PEAK1: variants seen among roughly 807,000 people sequenced by gnomAD.
PEAK1 encodes inactive tyrosine-protein kinase PEAK1.
A neutral mutation model predicts 124.7 loss-of-function variants in PEAK1; 54 were observed. The ratio of observed to expected loss-of-function variants is 0.43; its 90% CI spans 0.35 to 0.54. The LOEUF is 0.54. Ranked by LOEUF, PEAK1 falls within the 20% of genes least tolerant of loss-of-function variation. PEAK1 has a pLI of 0.01. For missense variants in PEAK1, 2,046 were observed against 2,134.5 expected, an observed-to-expected ratio of 0.96 and a Z score of 0.82; for synonymous variants, 719 against 760.0, an observed-to-expected ratio of 0.95 and a Z score of 0.89.
intron 9 of PEAK1, 132 bp from the exon 10 acceptor site, chr15:77,115,451 C>A: frequency 2.5e-6 from 2 of 800,098 alleles, no homozygotes; most frequent in African/African-American, 1.7e-5. Context: ...AAGGCTTGCC[C>A]CATGTTAAGT....
chr15:77,118,036 G>T (rs2051553570), intron 9 of PEAK1, among the ~76,000 whole-genome samples: 2 of 152,174 alleles, frequency 1.3e-5, no homozygotes, highest in South Asian at 2.1e-4. Flanking sequence ...ATGATAAATT[G>T]TTTCACGATT....
At chr15:77,419,516 C>T in intron 1 of PEAK1, 2 of 985,254 alleles carry the variant, frequency 2.0e-6, no homozygotes, top group Non-Finnish European at 2.4e-6. Context: ...TCCGTCCCGA[C>T]GCTGCCGGCG....
intron 1 of PEAK1, among the ~76,000 whole-genome samples, chr15:77,390,001 T>A (rs185304270): frequency 4.6e-5 from 7 of 152,242 alleles, no homozygotes; most frequent in African/African-American, 1.7e-4. Context: ...ACGTACTATG[T>A]TAAGTGTTTT....
At chr15:77,365,731 C>G (rs1044448132) in intron 1 of PEAK1, among the ~76,000 whole-genome samples, 5 of 128,662 alleles carry the variant, frequency 3.9e-5, no homozygotes, top group African/African-American at 1.5e-4. Flanking sequence ...TAGAGCAAGA[C>G]TCCATCTCAT....
intron 6 of PEAK1, among the ~76,000 whole-genome samples, chr15:77,225,251 T>A (rs923444382): frequency 6.6e-6 from 1 of 152,014 alleles, no homozygotes; most frequent in Non-Finnish European, 1.5e-5. Context: ...TCACACTACA[T>A]TATTCCTGTT....
intron 2 of PEAK1, among the ~76,000 whole-genome samples, chr15:77,305,172 A>C (rs1456893109): frequency 2.5e-5 from 2 of 79,182 alleles, no homozygotes; most frequent in Non-Finnish European, 3.0e-5. Flanking sequence ...GGAGGGAAGA[A>C]GGAAGGAAGG....
chr15:77,305,451 A>G (rs1414212290), intron 2 of PEAK1, among the ~76,000 whole-genome samples: 1 of 152,166 alleles, frequency 6.6e-6, no homozygotes, highest in Non-Finnish European at 1.5e-5. Context: ...AATTGGCCAG[A>G]GGCGAAGGTC....
chr15:77,386,972 T>TAA (rs145451079), intron 1 of PEAK1, among the ~76,000 whole-genome samples: 3 of 150,158 alleles, frequency 2.0e-5, no homozygotes, highest in Non-Finnish European at 4.4e-5. Flanking sequence ...GTATCCATAG[T>TAA]AAAAAAAAAA....
intron 6 of PEAK1, among the ~76,000 whole-genome samples, chr15:77,237,413 T>C (rs1454644089): frequency 6.6e-6 from 1 of 150,392 alleles, no homozygotes; most frequent in Non-Finnish European, 1.5e-5. Flanking sequence ...TACTTTATTT[T>C]ATTCCTGCTA....
In PEAK1 at chr15:77,318,385, G is replaced by A. The variant is rs375960572; in HGVS notation, c.-602-31881C>T. Among the ~76,000 whole-genome samples, 25 of 152,222 alleles carry A rather than the reference G, an allele frequency of 1.6e-4. No individual in the cohort carries two copies. In the East Asian group the frequency reaches 1.9e-3, roughly 12 times the overall value. ...TAAAAGTTTTCAAATGGGCAAAAAG[G>A]ATAAATGACACAAAAACCTCATAAT... On this transcript the variant is annotated intron_variant, in intron 2 of 9. Coordinates refer to ENST00000682557, the MANE Select transcript of PEAK1 (RefSeq NM_001385026.1).
chr15:77,156,449 C>T, intron 8 of PEAK1: 1 of 153,730 alleles, frequency 6.5e-6, no homozygotes, highest in Non-Finnish European at 1.4e-5. Flanking sequence ...CTTGCGCTTC[C>T]CGAGTGAGGT....
At chr15:77,193,751 C>T (rs2057964921) in intron 6 of PEAK1, among the ~76,000 whole-genome samples, 2 of 152,144 alleles carry the variant, frequency 1.3e-5, no homozygotes, top group South Asian at 4.1e-4. Context: ...TTGCACTGAG[C>T]AGAGATTGCA....
At chr15:77,101,362 G>C (rs1369200853) in exon 7 of PEAK1, 1 of 152,184 alleles carries the variant, frequency 6.6e-6, no homozygotes, top group Non-Finnish European at 1.5e-5. Flanking sequence ...TGATTCTTAC[G>C]AGGCCGAGAT....
intron 1 of PEAK1, among the ~76,000 whole-genome samples, chr15:77,370,184 T>C (rs1435289446): frequency 6.6e-6 from 1 of 152,202 alleles, no homozygotes; most frequent in Non-Finnish European, 1.5e-5. Flanking sequence ...CCTATGGACC[T>C]TGGTCTATGT....
intron 5 of PEAK1, among the ~76,000 whole-genome samples, chr15:77,261,608 G>A (rs1023825242): frequency 6.6e-6 from 1 of 152,198 alleles, no homozygotes; most frequent in Non-Finnish European, 1.5e-5. Flanking sequence ...ATAGGACTAT[G>A]TGAACAGACC....
chr15:77,375,097 T>C (rs2068908811), intron 1 of PEAK1, among the ~76,000 whole-genome samples: 1 of 152,196 alleles, frequency 6.6e-6, no homozygotes, highest in South Asian at 2.1e-4. Flanking sequence ...AGCACTAACA[T>C]GAATTTAAGC....
intron 7 of PEAK1, among the ~76,000 whole-genome samples, chr15:77,170,715 G>GT (rs1459795653): frequency 6.6e-6 from 1 of 152,098 alleles, no homozygotes. Flanking sequence ...AAATATGTCC[G>GT]TAAGGTAGGT....
At chr15:77,260,791 C>T (rs1047858073) in intron 5 of PEAK1, among the ~76,000 whole-genome samples, 1 of 152,158 alleles carries the variant, frequency 6.6e-6, no homozygotes, top group African/African-American at 2.4e-5. Flanking sequence ...TCCCAGCACG[C>T]AGCTTGAGAT....
chr15:77,230,635 T>C (rs1373964182), intron 6 of PEAK1, among the ~76,000 whole-genome samples: 5 of 152,100 alleles, frequency 3.3e-5, no homozygotes, highest in Admixed American at 3.3e-4. Context: ...CAGTGGCTCA[T>C]ACCTGTAATC....
Sources: gnomAD v4.1 joint callset for allele counts (sites outside exome capture counted in the v4.1 genomes callset) on GRCh38, gnomAD v4.1.1 for gene constraint, MANE v1.5 for transcripts, NCBI Gene and HGNC (gene_info 2026-07-23, HGNC 2026-07-21) for gene names.